The following ERC1 variants were observed in gnomAD, a reference collection of about 807,000 sequenced individuals.
ERC1 encodes RAB6 interacting protein 2.
In ERC1, 56 loss-of-function variants were observed where a neutral mutation model predicts 132.0. The ratio of observed to expected loss-of-function variants is 0.42; its 90% CI spans 0.34 to 0.53. The LOEUF is 0.53. ERC1 is among the 20% of genes least tolerant of loss of function. ERC1 has a pLI of 0.03. For missense variants in ERC1, 1,202 were observed against 1,349.9 expected (o/e 0.89, Z 1.72); for synonymous variants, 478 against 476.1 (o/e 1.00, Z -0.05).
chr12:991,011 C>A (rs573923602), upstream of ERC1: 20 of 151,996 alleles, frequency 1.3e-4, no homozygotes, highest in African/African-American at 4.8e-4. Flanking sequence ...TGCTAATCGA[C>A]CGCCGTGGCG....
In ERC1 at chr12:1,071,008, C is replaced by T. The variant is rs561211387; in HGVS notation, c.670-12156C>T. Among the ~76,000 whole-genome samples the T allele has an allele frequency of 2.6e-5, 4 of 152,252 alleles. No individual in the cohort carries two copies. In the South Asian group the frequency reaches 8.3e-4, roughly 32 times the overall value. ...TCAGTGTGTTGTTTTTTACATTTAT[C>T]CATGTTGTTGCATGTATCCATAGTT... On this transcript the variant is annotated intron_variant, in intron 2 of 18. Coordinates refer to ENST00000360905, the MANE Select transcript of ERC1 (RefSeq NM_178040.4).
chr12:1,180,262 T>A (rs1468923598), intron 8 of ERC1, among the ~76,000 whole-genome samples: 3 of 147,354 alleles, frequency 2.0e-5, no homozygotes, highest in African/African-American at 8.0e-5. Flanking sequence ...GATGTGTGTG[T>A]GTGTGTGTGT....
At chr12:1,375,397 C>G (rs999273128) in intron 16 of ERC1, among the ~76,000 whole-genome samples, 1 of 152,170 alleles carries the variant, frequency 6.6e-6, no homozygotes, top group Non-Finnish European at 1.5e-5. Context: ...CAGGCCCCTC[C>G]CCTGACACAT....
At chr12:992,673 C>G (rs73606356) in intron 1 of ERC1, among the ~76,000 whole-genome samples, 1,897 of 152,294 alleles carry the variant, frequency 0.012, 41 homozygotes, top group African/African-American at 0.044. Context: ...TCACATCACT[C>G]TTTCACAACT....
intron 13 of ERC1, among the ~76,000 whole-genome samples, chr12:1,242,944 T>G (rs942634393): frequency 6.6e-6 from 1 of 151,960 alleles, no homozygotes; most frequent in Non-Finnish European, 1.5e-5. Context: ...TCCCAGCACT[T>G]TGGGAGGCCG....
intron 15 of ERC1, among the ~76,000 whole-genome samples, chr12:1,355,840 G>A (rs1418589328): frequency 6.6e-6 from 1 of 152,116 alleles, no homozygotes; most frequent in Admixed American, 6.6e-5. Context: ...AGTTAATTCC[G>A]TCAACCAGCT....
intron 13 of ERC1, among the ~76,000 whole-genome samples, chr12:1,245,147 C>T (rs761728624): frequency 4.6e-5 from 7 of 152,032 alleles, no homozygotes; most frequent in South Asian, 2.1e-4. Context: ...GTAGATGTGC[C>T]GTGTAAAGAA....
At chr12:1,081,697 G>A (rs997276712) in intron 2 of ERC1, among the ~76,000 whole-genome samples, 1 of 152,158 alleles carries the variant, frequency 6.6e-6, no homozygotes, top group East Asian at 1.9e-4. Context: ...GTTGCCGGGG[G>A]TAGGGGGAAA....
intron 18 of ERC1, among the ~76,000 whole-genome samples, chr12:1,448,124 G>C (rs1304886679): frequency 6.6e-6 from 1 of 152,166 alleles, no homozygotes; most frequent in Non-Finnish European, 1.5e-5. Flanking sequence ...CTGATTAATA[G>C]ACTTCCCATT....
At position 1,204,513 on chromosome 12, in the gene ERC1, G is replaced by A. The variant is rs1227544455; in HGVS notation, c.2351+14461G>A. The A allele has an allele frequency of 4.4e-6, 7 of 1,590,600 alleles. No individual in the cohort carries two copies. In the Admixed American group the frequency reaches 8.4e-5, roughly 19 times the overall value. On this transcript the variant is annotated intron_variant, in intron 12 of 18. Transcript: ENST00000360905. The stretch of plus-strand genomic sequence containing the variant: ...CTGTTTCCTTCAGTCTCACCTCAAG[G>A]TCAGTATGCTTGCACTAAAACAAAG...
At chr12:1,341,022 T>G (rs1248926840) in intron 15 of ERC1, among the ~76,000 whole-genome samples, 1 of 150,144 alleles carries the variant, frequency 6.7e-6, no homozygotes, top group Non-Finnish European at 1.5e-5. Flanking sequence ...ACATAGAATA[T>G]TAACATTTCT....
intron 17 of ERC1, among the ~76,000 whole-genome samples, chr12:1,424,862 A>AGC (rs1565411560): frequency 7.2e-5 from 7 of 97,330 alleles, no homozygotes; most frequent in African/African-American, 2.3e-4. Context: ...AGATAGATAG[A>AGC]TCGATAGATA....
chr12:1,307,594 C>T (rs1033656276), intron 15 of ERC1, among the ~76,000 whole-genome samples: 1 of 152,174 alleles, frequency 6.6e-6, no homozygotes, highest in Non-Finnish European at 1.5e-5. Context: ...AAGACGGTTC[C>T]AGAGCTGTGT....
At chr12:1,017,482 ATGT>A (rs1421920481) in intron 1 of ERC1, among the ~76,000 whole-genome samples, 6 of 151,054 alleles carry the variant, frequency 4.0e-5, no homozygotes, top group Non-Finnish European at 7.4e-5. Flanking sequence ...AGAGATTTAA[ATGT>A]TGTTCTGGTA....
At chr12:1,247,309 G>A (rs1377586255) in intron 13 of ERC1, among the ~76,000 whole-genome samples, 1 of 152,146 alleles carries the variant, frequency 6.6e-6, no homozygotes. Context: ...AACAATGAAA[G>A]TAAGGTTCTC....
chr12:1,244,368 A>G (rs906728021), intron 13 of ERC1, among the ~76,000 whole-genome samples: 1 of 152,192 alleles, frequency 6.6e-6, no homozygotes, highest in Non-Finnish European at 1.5e-5. Flanking sequence ...TGATGTTTTC[A>G]TGAAATAGGA....
rs201517311 is a variant in ERC1 at position 1,183,410 on chromosome 12, C to A, written c.2146C>A (p.Gln716Lys). ...KKEECLKMES[Q>K]LKKAHEAALE... ...GGAGGAGTGTCTGAAAATGGAATCA[C>A]AATTGAAAAAGGTTAAAGAAAAAAT... is the stretch of plus-strand genomic sequence containing the variant. The change falls in exon 11 of 19, where the codon CAA (glutamine) becomes AAA (lysine). Residue 716 changes from glutamine to lysine, a missense_variant. Coordinates refer to ENST00000360905, the MANE Select transcript of ERC1 (RefSeq NM_178040.4). The A allele has an allele frequency of 4.5e-6, 7 of 1,565,002 alleles. No individual in the cohort carries two copies. Among genetic ancestry groups the A allele is most frequent in the Non-Finnish European group, 8.7e-7 (1 of 1,148,892 alleles).
rs755364225 is a variant in ERC1, at chr12:1,263,110, A to G, written c.2564A>G (p.Glu855Gly). 6.2e-7 allele frequency: 1 copy of G among 1,613,988 alleles called. No homozygotes were observed. The highest frequency in any genetic ancestry group is 8.5e-7 in the Non-Finnish European group (1 of 1,179,988). ...ALRESVQITA[E>G]REMVLAQEES... The stretch of plus-strand genomic sequence containing the variant: ...AGAGAAAGTGTACAGATAACTGCAG[A>G]GCGGGAAATGGTGCTAGCACAAGAG... Residue 855 changes from glutamate to glycine, a missense_variant, in exon 14 of 19, where the codon GAG becomes GGG. Physicochemically the swap from Glu to Gly is moderately conservative, Grantham distance 98. Transcript: ENST00000360905.
At chr12:1,129,437 C>G (rs1948542313) in intron 7 of ERC1, among the ~76,000 whole-genome samples, 1 of 152,200 alleles carries the variant, frequency 6.6e-6, no homozygotes, top group African/African-American at 2.4e-5. Context: ...GAGAGTATCC[C>G]TTGACCTTAG....
Sources: gnomAD v4.1 joint callset for allele counts (sites outside exome capture counted in the v4.1 genomes callset) on GRCh38, gnomAD v4.1.1 for gene constraint, MANE v1.5 for transcripts, NCBI Gene and HGNC (gene_info 2026-07-23, HGNC 2026-07-21) for gene names.